CCDC158: variants seen among roughly 807,000 people sequenced by gnomAD.
CCDC158 encodes the protein coiled-coil domain-containing protein 158.
In CCDC158, 116 loss-of-function variants were observed where a neutral mutation model predicts 138.6. The observed-to-expected ratio is 0.84, with a 90% CI of 0.72 to 0.98. CCDC158 has a LOEUF of 0.98. CCDC158 is among the 50% of genes least tolerant of loss of function. CCDC158 has a pLI of 0.00. For missense variants in CCDC158, 1,265 were observed against 1,306.1 expected, an observed-to-expected ratio of 0.97 and a Z score of 0.48; for synonymous variants, 436 against 442.4, an observed-to-expected ratio of 0.99 and a Z score of 0.18.
chr4:76,337,856 G>C (rs1721667898), intron 18 of CCDC158, among the ~76,000 whole-genome samples: 1 of 152,120 alleles, frequency 6.6e-6, no homozygotes, highest in African/African-American at 2.4e-5. Context: ...GCCCAACAAA[G>C]GATCCTGCTC....
intron 8 of CCDC158, among the ~76,000 whole-genome samples, chr4:76,379,715 C>T (rs1726047960): frequency 6.7e-6 from 1 of 149,912 alleles, no homozygotes; most frequent in East Asian, 2.0e-4. Flanking sequence ...CATATGCATA[C>T]ATTTTACTTA....
At chr4:76,393,585 G>C (rs1299202222) in intron 4 of CCDC158, among the ~76,000 whole-genome samples, 5 of 151,922 alleles carry the variant, frequency 3.3e-5, no homozygotes, top group African/African-American at 1.2e-4. Flanking sequence ...AAAATTTCTC[G>C]AGTAATACCC....
intron 18 of CCDC158, among the ~76,000 whole-genome samples, chr4:76,335,798 C>T (rs1453792960): frequency 6.6e-6 from 1 of 152,136 alleles, no homozygotes; most frequent in Non-Finnish European, 1.5e-5. Flanking sequence ...ATCTCAAACT[C>T]CTGGACTCAG....
At chr4:76,351,471 A>G (rs1197081617) in intron 17 of CCDC158, among the ~76,000 whole-genome samples, 1 of 151,128 alleles carries the variant, frequency 6.6e-6, no homozygotes, top group Non-Finnish European at 1.5e-5. Context: ...ACCTTCACTC[A>G]CCTATTTTAA....
chr4:76,322,064 G>A (rs1274846485), intron 24 of CCDC158, among the ~76,000 whole-genome samples: 1 of 151,718 alleles, frequency 6.6e-6, no homozygotes, highest in East Asian at 1.9e-4. Flanking sequence ...GGTGATGGGT[G>A]CACCAAAATC....
At chr4:76,319,638 T>C (rs916986658) in intron 24 of CCDC158, among the ~76,000 whole-genome samples, 5 of 150,920 alleles carry the variant, frequency 3.3e-5, no homozygotes, top group Non-Finnish European at 7.4e-5. Context: ...TGGTTTAACC[T>C]ACTCAAGTTG....
Position 76,359,745 on chromosome 4 carries a change from A to G in CCDC158, c.2021-2219T>C, listed in dbSNP as rs141559227. Reference sequence around the variant, plus strand: ...CTGTGCTCATTTGCATTAAAAAAGAAATAACCTGAAGCTAGAATTTATATT... The same window carrying G: ...CTGTGCTCATTTGCATTAAAAAAGAGATAACCTGAAGCTAGAATTTATATT... On this transcript the variant is annotated intron_variant, in intron 13 of 24. Coordinates refer to ENST00000682701, the MANE Select transcript of CCDC158 (RefSeq NM_001394954.1). Among the ~76,000 whole-genome samples the G allele has an allele frequency of 2.7e-3, 412 of 152,354 alleles. 3 individuals are homozygous for G. Among genetic ancestry groups the G allele is most frequent in the African/African-American group, 9.3e-3 (387 of 41,578 alleles).
chr4:76,346,909 G>A (rs1253212170), intron 18 of CCDC158, among the ~76,000 whole-genome samples: 1 of 151,996 alleles, frequency 6.6e-6, no homozygotes, highest in Non-Finnish European at 1.5e-5. Context: ...TATTTATGAG[G>A]CCAACCAACA....
At chr4:76,417,872 C>T (rs778315019) in intron 1 of CCDC158, among the ~76,000 whole-genome samples, 6 of 152,156 alleles carry the variant, frequency 3.9e-5, no homozygotes, top group Non-Finnish European at 5.9e-5. Context: ...GCTCAGTGTT[C>T]ACTGACTCCC....
chr4:76,392,528 T>C (rs955314945), intron 4 of CCDC158, among the ~76,000 whole-genome samples: 2 of 151,992 alleles, frequency 1.3e-5, no homozygotes, highest in African/African-American at 4.8e-5. Flanking sequence ...CCACAGCTAG[T>C]ATCATACTGA....
intron 9 of CCDC158, among the ~76,000 whole-genome samples, 172 bp from the exon 10 acceptor site, chr4:76,371,708 C>T (rs1023458303): frequency 2.6e-5 from 4 of 152,068 alleles, no homozygotes; most frequent in African/African-American, 4.8e-5. Flanking sequence ...GAGGCCGAGG[C>T]GGGTGGATCA....
intron 21 of CCDC158, among the ~76,000 whole-genome samples, chr4:76,330,258 G>A (rs1025756580): frequency 4.6e-5 from 7 of 152,066 alleles, no homozygotes; most frequent in Non-Finnish European, 8.8e-5. Flanking sequence ...GAGCTCCACT[G>A]TTTTCAAGCA....
At chr4:76,325,726 A>C in intron 23 of CCDC158, 131 bp downstream of exon 23, 1 of 654,676 alleles carries the variant, frequency 1.5e-6, no homozygotes, top group Non-Finnish European at 2.5e-6. Context: ...GACCTGTTTA[A>C]ATTACACAGA....
intron 24 of CCDC158, 56 bp from the exon 25 acceptor site, chr4:76,313,302 A>T (rs1212805994): frequency 1.0e-6 from 1 of 991,926 alleles, no homozygotes; most frequent in African/African-American, 1.6e-5. Flanking sequence ...CTTTAATTCT[A>T]CTATGTGCTA....
chr4:76,328,618 G>T (rs1353246496), intron 22 of CCDC158, among the ~76,000 whole-genome samples: 1 of 152,170 alleles, frequency 6.6e-6, no homozygotes, highest in African/African-American at 2.4e-5. Context: ...TGACAATTAA[G>T]TCCCACTGGG....
At chr4:76,340,075 G>C (rs1169725947) in intron 18 of CCDC158, among the ~76,000 whole-genome samples, 2 of 152,186 alleles carry the variant, frequency 1.3e-5, no homozygotes, top group Non-Finnish European at 2.9e-5. Context: ...TTGCTTACTT[G>C]TGTGACATAT....
chr4:76,327,436 C>T (rs765236631), intron 22 of CCDC158, among the ~76,000 whole-genome samples: 3 of 152,110 alleles, frequency 2.0e-5, no homozygotes, highest in Non-Finnish European at 4.4e-5. Context: ...CTTTCACAAA[C>T]CTAGATGGTA....
intron 1 of CCDC158, among the ~76,000 whole-genome samples, chr4:76,420,413 G>A (rs1257954436): frequency 1.3e-5 from 2 of 152,208 alleles, no homozygotes; most frequent in Non-Finnish European, 2.9e-5. Flanking sequence ...GGAGCAGCCT[G>A]AGTGGGGCCT....
intron 16 of CCDC158, chr4:76,352,091 G>C: frequency 4.2e-6 from 1 of 239,256 alleles, no homozygotes; most frequent in Non-Finnish European, 8.0e-6. Context: ...CTTTACCAAA[G>C]TATAAAAATT....
Sources: gnomAD v4.1 joint callset for allele counts (sites outside exome capture counted in the v4.1 genomes callset) on GRCh38, gnomAD v4.1.1 for gene constraint, MANE v1.5 for transcripts, NCBI Gene and HGNC (gene_info 2026-07-23, HGNC 2026-07-21) for gene names.